GLCE: variants seen among roughly 807,000 people sequenced by gnomAD.
GLCE encodes D-glucuronyl C5-epimerase.
A neutral mutation model predicts 47.9 loss-of-function variants in GLCE; 19 were observed. The observed-to-expected ratio is 0.40, with a 90% CI of 0.28 to 0.58. GLCE has a LOEUF of 0.58. Ranked by LOEUF, GLCE falls within the 20% of genes least tolerant of loss-of-function variation. The probability of loss-of-function intolerance (pLI) is 0.48; values close to 1 mark genes in which losing one functional copy is unlikely to be tolerated. For synonymous variants in GLCE, 245 were observed against 263.4 expected, an observed-to-expected ratio of 0.93 and a Z score of 0.68; for missense variants, 556 against 743.3, an observed-to-expected ratio of 0.75 and a Z score of 2.93.
rs549885921 is a variant in GLCE, at chr15:69,226,489, G to A, written c.-14+16083G>A. The stretch of plus-strand genomic sequence containing the variant: ...GTCAATTAGTCACTCCTAAAATGTA[G>A]CGTTTTTACTTTGTCCATAGTGTTT... On this transcript the variant is annotated intron_variant, in intron 2 of 4. Coordinates refer to ENST00000261858, the MANE Select transcript of GLCE (RefSeq NM_015554.3). Among the ~76,000 whole-genome samples, 30 of 152,228 alleles carry A rather than the reference G, an allele frequency of 2.0e-4. 1 individual carries two copies. The South Asian group carries it at 5.8e-3, about 29-fold the overall frequency.
chr15:69,214,609 A>G (rs1343585157), intron 2 of GLCE, among the ~76,000 whole-genome samples: 2 of 152,146 alleles, frequency 1.3e-5, no homozygotes, highest in Non-Finnish European at 2.9e-5. Flanking sequence ...GACGAATTAC[A>G]TATACCAACT....
In GLCE at chr15:69,205,239, G is replaced by C. The variant is rs1407459975; in HGVS notation, c.-104-5077G>C. On this transcript the variant is annotated intron_variant, in intron 1 of 4. Coordinates refer to ENST00000261858, the MANE Select transcript of GLCE (RefSeq NM_015554.3). ...AAAATGGTCATGAAGTGGAATAATA[G>C]AGCATGAAGCCATTTAAGACTGTTA... is the stretch of plus-strand genomic sequence containing the variant. Among the ~76,000 whole-genome samples the C allele has an allele frequency of 2.6e-5, 4 of 151,626 alleles. 1 individual carries two copies. The highest frequency in any genetic ancestry group is 2.6e-4 in the Admixed American group (4 of 15,182).
intron 2 of GLCE, among the ~76,000 whole-genome samples, chr15:69,221,795 G>A (rs1388833065): frequency 6.7e-6 from 1 of 150,130 alleles, no homozygotes; most frequent in Non-Finnish European, 1.5e-5. Context: ...CCTGGGAGGT[G>A]GATGTTGCAG....
intron 1 of GLCE, among the ~76,000 whole-genome samples, chr15:69,198,637 G>T (rs1445526341): frequency 6.6e-6 from 1 of 152,174 alleles, no homozygotes; most frequent in Non-Finnish European, 1.5e-5. Context: ...AAAAGTGCCA[G>T]CAAAAGAGAG....
chr15:69,237,665 A>G (rs1275950432), intron 2 of GLCE, among the ~76,000 whole-genome samples: 2 of 151,984 alleles, frequency 1.3e-5, no homozygotes, highest in African/African-American at 4.8e-5. Flanking sequence ...CATAGCTAAT[A>G]CTCTGTATCT....
At chr15:69,264,397 C>G (rs1229886771) in intron 4 of GLCE, among the ~76,000 whole-genome samples, 2 of 150,426 alleles carry the variant, frequency 1.3e-5, no homozygotes, top group African/African-American at 4.9e-5. Context: ...TGTGCACGTG[C>G]ACACACACAC....
At chr15:69,176,038 A>G (rs1172340707) in intron 1 of GLCE, among the ~76,000 whole-genome samples, 8 of 152,136 alleles carry the variant, frequency 5.3e-5, no homozygotes, top group African/African-American at 1.9e-4. Context: ...ACTCATTTTT[A>G]GAAGCTACAT....
chr15:69,225,738 C>G (rs886823535), intron 2 of GLCE, among the ~76,000 whole-genome samples: 1 of 152,078 alleles, frequency 6.6e-6, no homozygotes, highest in Non-Finnish European at 1.5e-5. Flanking sequence ...TGCCTGGCAT[C>G]GATCTAAACA....
chr15:69,178,163 A>G (rs994492839), intron 1 of GLCE, among the ~76,000 whole-genome samples: 7 of 152,328 alleles, frequency 4.6e-5, no homozygotes, highest in African/African-American at 1.4e-4. Context: ...TGGGAATAAC[A>G]TATTTATCAT....
At position 69,255,869 on chromosome 15, in the gene GLCE, T is replaced by C. The variant is rs890910735; in HGVS notation, c.63T>C (p.Thr21=). 6.2e-7 allele frequency: 1 copy of C among 1,614,110 alleles called. No homozygotes were observed. Among genetic ancestry groups the C allele is most frequent in the South Asian group, 1.1e-5 (1 of 91,080 alleles). The part of the protein sequence containing the change: ...KTLIIICALF[T]LVTVLLWNKC... The stretch of plus-strand genomic sequence containing the variant: ...TGATTATTATCTGCGCACTCTTCAC[T>C]TTGGTCACAGTACTTTTGTGGAATA... Residue 21 remains threonine (T), a synonymous_variant, in exon 3 of 5, where the codon ACT becomes ACC. Transcript: ENST00000261858.
intron 1 of GLCE, among the ~76,000 whole-genome samples, chr15:69,161,709 A>G (rs1407883415): frequency 6.6e-6 from 1 of 152,146 alleles, no homozygotes; most frequent in Non-Finnish European, 1.5e-5. Context: ...CTAGTTGAAG[A>G]AGCAGTGCGT....
intron 2 of GLCE, among the ~76,000 whole-genome samples, chr15:69,240,209 A>C (rs2140417070): frequency 6.6e-6 from 1 of 151,704 alleles, no homozygotes; most frequent in African/African-American, 2.4e-5. Context: ...GTGAAAAATC[A>C]AACCCTACTT....
At chr15:69,178,122 G>C (rs954591082) in intron 1 of GLCE, among the ~76,000 whole-genome samples, 1 of 152,090 alleles carries the variant, frequency 6.6e-6, no homozygotes, top group African/African-American at 2.4e-5. Context: ...GGATGACTAG[G>C]TCACAGGGTA....
At chr15:69,189,439 C>T (rs1177715698) in intron 1 of GLCE, among the ~76,000 whole-genome samples, 3 of 152,206 alleles carry the variant, frequency 2.0e-5, no homozygotes, top group Admixed American at 6.5e-5. Flanking sequence ...TTTATCCATT[C>T]ACCTACTGAA....
intron 1 of GLCE, among the ~76,000 whole-genome samples, chr15:69,184,587 T>G (rs1163670847): frequency 6.6e-6 from 1 of 152,258 alleles, no homozygotes; most frequent in Non-Finnish European, 1.5e-5. Context: ...TTCAGTTAGG[T>G]GTCTTTCAAC....
intron 2 of GLCE, among the ~76,000 whole-genome samples, chr15:69,215,143 T>C (rs1414135024): frequency 6.6e-6 from 1 of 152,146 alleles, no homozygotes; most frequent in East Asian, 1.9e-4. Context: ...TTTTGAAAAA[T>C]GCATAGAGTC....
chr15:69,222,076 T>C (rs571899687), intron 2 of GLCE, among the ~76,000 whole-genome samples: 22 of 152,244 alleles, frequency 1.4e-4, no homozygotes, highest in African/African-American at 5.3e-4. Context: ...TCTGAATGCT[T>C]TTAAAGGGCC....
intron 2 of GLCE, among the ~76,000 whole-genome samples, chr15:69,252,961 A>G (rs1172698703): frequency 2.0e-5 from 3 of 152,170 alleles, no homozygotes; most frequent in African/African-American, 7.2e-5. Flanking sequence ...TCCACTTCTT[A>G]AAATCTGTAT....
At chr15:69,197,113 A>G (rs1336340812) in intron 1 of GLCE, 2 of 356,880 alleles carry the variant, frequency 5.6e-6, no homozygotes, top group South Asian at 4.7e-5. Context: ...GCCTGCAGCC[A>G]GCATTGATCA....
Sources: allele counts gnomAD v4.1 joint callset (sites outside exome capture counted in the v4.1 genomes callset), GRCh38; gene constraint gnomAD v4.1.1; transcripts MANE v1.5; gene names NCBI Gene and HGNC (gene_info 2026-07-23, HGNC 2026-07-21).